FRRS1: variants seen among roughly 807,000 people sequenced by gnomAD.
FRRS1 encodes the protein ferric reductase 1.
FRRS1 carries 51 observed loss-of-function variants against 70.7 expected under a neutral mutation model. The observed-to-expected ratio is 0.72, with a 90% CI of 0.58 to 0.91. The LOEUF is 0.91. FRRS1 is among the 40% of genes least tolerant of loss of function. FRRS1 has a pLI of 0.00. For missense variants in FRRS1, 672 were observed against 726.0 expected (o/e 0.93, Z 0.86); for synonymous variants, 225 against 238.7 (o/e 0.94, Z 0.53).
chr1:99,715,823 A>AC, intron 11 of FRRS1, 151 bp from the exon 12 acceptor site: 3 of 543,224 alleles, frequency 5.5e-6, no homozygotes, highest in Non-Finnish European at 6.7e-6. Flanking sequence ...AGCCAGGTTA[A>AC]GAAAAAAAAA....
intron 1 of FRRS1, among the ~76,000 whole-genome samples, chr1:99,751,132 G>A (rs977302117): frequency 2.6e-5 from 4 of 152,156 alleles, no homozygotes; most frequent in African/African-American, 9.7e-5. Context: ...TTCTTGATCT[G>A]AGACATCCCT....
At chr1:99,721,162 C>T (rs1484398264) in intron 9 of FRRS1, among the ~76,000 whole-genome samples, 3 of 151,978 alleles carry the variant, frequency 2.0e-5, no homozygotes, top group African/African-American at 7.2e-5. Flanking sequence ...GGGTGGATCA[C>T]GAGGTCAAGA....
Position 99,742,232 on chromosome 1 carries a change from TTC to T in FRRS1, c.373_374del (p.Glu125AsnfsTer2). 1 of 1,612,264 alleles carries T rather than the reference TTC, an allele frequency of 6.2e-7. No individual in the cohort carries two copies. The highest frequency in any genetic ancestry group is 8.5e-7 in the Non-Finnish European group (1 of 1,178,332). On this transcript the variant is annotated frameshift_variant, in exon 5 of 17. Transcript: ENST00000646001. LOFTEE classifies it high-confidence loss of function. ...TTGGAGCATTCCAGTAGACTTTAAT[TTC>T]TGTTTTTTTAGATGCACTTCTGTGA... ...VSHRSASKKT[E>X]IKVYWNAPSS...
At chr1:99,712,561 A>G (rs775492201) in intron 12 of FRRS1, 46 bp from the exon 13 acceptor site, 3 of 1,065,028 alleles carry the variant, frequency 2.8e-6, no homozygotes, top group Non-Finnish European at 4.2e-6. Flanking sequence ...TCTCTCATCA[A>G]TTTAAATCCT....
chr1:99,725,223 C>T (rs1655026029), intron 9 of FRRS1, among the ~76,000 whole-genome samples: 1 of 152,210 alleles, frequency 6.6e-6, no homozygotes, highest in African/African-American at 2.4e-5. Flanking sequence ...TCACCTCCTG[C>T]TGTGCGGCCC....
At chr1:99,747,194 G>T (rs893492096) in intron 4 of FRRS1, 100 bp downstream of exon 4, 12 of 834,880 alleles carry the variant, frequency 1.4e-5, no homozygotes, top group African/African-American at 6.8e-5. Context: ...AGTTAAGTCT[G>T]GGGGGAGTCA....
rs2100887051 is a variant in FRRS1 at position 99,704,489 on chromosome 1, G to T, written c.*4539C>A. 6.6e-6 allele frequency among the ~76,000 whole-genome samples: 1 copy of T among 152,292 alleles called. No individual in the cohort carries two copies. Among genetic ancestry groups the T allele is most frequent in the African/African-American group, 2.4e-5 (1 of 41,558 alleles). On this transcript the variant is annotated 3_prime_UTR_variant, in exon 17 of 17. Coordinates refer to ENST00000646001, the MANE Select transcript of FRRS1 (RefSeq NM_001361041.2). ...GGAGGGAAAGGAAGTGCTGGGTAGAGGAGGGCGTGGTCCCTGGCGAGGGCT... is the reference window on the plus strand; with the variant it reads ...GGAGGGAAAGGAAGTGCTGGGTAGATGAGGGCGTGGTCCCTGGCGAGGGCT...
At chr1:99,758,388 C>T (rs765477631) in intron 1 of FRRS1, among the ~76,000 whole-genome samples, 17 of 152,134 alleles carry the variant, frequency 1.1e-4, no homozygotes, top group Non-Finnish European at 2.4e-4. Flanking sequence ...TGCAGGAAGT[C>T]AGGGACACTG....
In FRRS1 at chr1:99,708,238, G is replaced by T. The variant is rs1288629294; in HGVS notation, c.*790C>A. Among the ~76,000 whole-genome samples, 9 of 152,254 alleles carry T rather than the reference G, an allele frequency of 5.9e-5. No individual in the cohort carries two copies. In the South Asian group the frequency reaches 1.9e-3, roughly 32 times the overall value. On this transcript the variant is annotated 3_prime_UTR_variant, in exon 17 of 17. Coordinates refer to ENST00000646001, the MANE Select transcript of FRRS1 (RefSeq NM_001361041.2). Reference sequence around the variant, plus strand: ...AAACAGTTTCTAAATAAAGTCCACAGACCATTCAGATAAACTAGTAAAAAT... The same window carrying T: ...AAACAGTTTCTAAATAAAGTCCACATACCATTCAGATAAACTAGTAAAAAT...
At chr1:99,757,257 C>T (rs541518700) in intron 1 of FRRS1, among the ~76,000 whole-genome samples, 1 of 151,952 alleles carries the variant, frequency 6.6e-6, no homozygotes, top group South Asian at 2.1e-4. Context: ...CTGGTTACAC[C>T]CTACTGCATT....
rs1298505954 is a variant in FRRS1, at chr1:99,705,031, A to C, written c.*3997T>G. On this transcript the variant is annotated 3_prime_UTR_variant, in exon 17 of 17. Transcript: ENST00000646001. The stretch of plus-strand genomic sequence containing the variant: ...AAGCCCTCTGTCCTTGCAATAAGGC[A>C]GGGGTCTAATTGAGCTAACACAAGC... Among the ~76,000 whole-genome samples, 1 of 152,238 alleles carries C rather than the reference A, an allele frequency of 6.6e-6. No individual in the cohort carries two copies. Among genetic ancestry groups the C allele is most frequent in the Non-Finnish European group, 1.5e-5 (1 of 68,026 alleles).
chr1:99,753,689 G>A (rs1010742290), intron 1 of FRRS1, among the ~76,000 whole-genome samples: 1 of 151,804 alleles, frequency 6.6e-6, no homozygotes, highest in Non-Finnish European at 1.5e-5. Context: ...AGAGAATGGC[G>A]TGAACCCAGG....
chr1:99,736,003 T>C (rs573144646), intron 7 of FRRS1, among the ~76,000 whole-genome samples: 1 of 152,348 alleles, frequency 6.6e-6, no homozygotes, highest in Non-Finnish European at 1.5e-5. Flanking sequence ...AGATGAACCT[T>C]AATGAAACTA....
intron 7 of FRRS1, among the ~76,000 whole-genome samples, chr1:99,730,907 A>G (rs190465893): frequency 3.4e-4 from 50 of 149,182 alleles, no homozygotes; most frequent in Non-Finnish European, 6.4e-4. Context: ...ATGGTGATGC[A>G]TGCCTGTGGT....
chr1:99,717,790 A>C (rs538277038), intron 10 of FRRS1, among the ~76,000 whole-genome samples: 2 of 152,342 alleles, frequency 1.3e-5, no homozygotes, highest in East Asian at 1.9e-4. Flanking sequence ...CAATCCTATG[A>C]TTATGAATAG....
chr1:99,715,649 G>A lies in FRRS1; in HGVS notation c.1260C>T (p.Thr420=). Residue 420 remains threonine, a synonymous_variant, in exon 12 of 17, where the codon ACC becomes ACT. Transcript: ENST00000646001. ...AAGCAATGCAGGTGAGGACAGTTGT[G>A]GTGAACATGAGCATCCGATGCACCT... ...WFQVHRMLMF[T]TTVLTCIAFV... 1 of 1,613,022 alleles carries A rather than the reference G, an allele frequency of 6.2e-7. No homozygotes were observed. The highest frequency in any genetic ancestry group is 8.5e-7 in the Non-Finnish European group (1 of 1,179,126).
rs954036641 is a variant in FRRS1, at chr1:99,748,967, C to T, written c.-71G>A. On this transcript the variant is annotated 5_prime_UTR_variant, in exon 2 of 17. Coordinates refer to ENST00000646001, the MANE Select transcript of FRRS1 (RefSeq NM_001361041.2). Reference sequence around the variant, plus strand: ...CTCAGCTCTACAAATTACTGTGAGACTTTGGGCAAATCATTTAATCCTCCA... The same window carrying T: ...CTCAGCTCTACAAATTACTGTGAGATTTTGGGCAAATCATTTAATCCTCCA... 10 of 470,576 alleles carry T rather than the reference C, an allele frequency of 2.1e-5. No individual in the cohort carries two copies. Among genetic ancestry groups the T allele is most frequent in the Non-Finnish European group, 3.4e-5 (9 of 267,530 alleles). 29.2% of individuals were successfully genotyped at this position (470,576 alleles called of 1,614,324 possible). A position where few individuals can be genotyped will look rare whatever the true frequency, so the allele number is the denominator to read the frequency against.
chr1:99,713,187 T>C (rs1654358363), intron 12 of FRRS1, among the ~76,000 whole-genome samples: 1 of 152,218 alleles, frequency 6.6e-6, no homozygotes, highest in South Asian at 2.1e-4. Context: ...ATAGATACTA[T>C]ACCACCCCCA....
At chr1:99,739,179 CACA>C (rs1230396831) in intron 6 of FRRS1, among the ~76,000 whole-genome samples, 3 of 152,188 alleles carry the variant, frequency 2.0e-5, no homozygotes, top group Admixed American at 1.3e-4. Context: ...CCTTCAACTA[CACA>C]ACAAGAAAAC....
Sources: gnomAD v4.1 joint callset for allele counts (sites outside exome capture counted in the v4.1 genomes callset) on GRCh38, gnomAD v4.1.1 for gene constraint, MANE v1.5 for transcripts, NCBI Gene and HGNC (gene_info 2026-07-23, HGNC 2026-07-21) for gene names.